The following C1orf105 variants were observed in gnomAD, a reference collection of about 807,000 sequenced individuals.
C1orf105 encodes uncharacterized protein C1orf105.
In C1orf105, 17 loss-of-function variants were observed where a neutral mutation model predicts 20.8. That is an observed-to-expected ratio of 0.82 (90% CI 0.56 to 1.23). The LOEUF is 1.23. C1orf105 is among the 50% of genes most tolerant of loss of function. C1orf105 has a pLI of 0.00. For missense variants in C1orf105, 219 were observed against 213.5 expected (o/e 1.03, Z -0.16); for synonymous variants, 72 against 72.1 (o/e 1.00, Z 0.01).
At chr1:172,452,662 T>G (rs1325835675) in intron 3 of C1orf105, 1 of 488,246 alleles carries the variant, frequency 2.0e-6, no homozygotes, top group Admixed American at 6.4e-5. Flanking sequence ...CAGCAGATAT[T>G]GTCCTAGGGT....
intron 1 of C1orf105, chr1:172,444,268 T>G (rs1158216841): frequency 1.0e-6 from 1 of 985,320 alleles, no homozygotes; most frequent in Non-Finnish European, 1.2e-6. Context: ...AGATGGGATG[T>G]GCCATCTGAA....
intron 6 of C1orf105, chr1:172,465,705 T>C (rs1404943406): frequency 2.1e-6 from 1 of 475,706 alleles, no homozygotes; most frequent in Non-Finnish European, 4.2e-6. Flanking sequence ...TCAATCAAAA[T>C]GGGAAGGGAA....
At chr1:172,459,950 G>T (rs1213902703) in intron 4 of C1orf105, among the ~76,000 whole-genome samples, 2 of 152,122 alleles carry the variant, frequency 1.3e-5, no homozygotes, top group South Asian at 4.1e-4. Context: ...AGATGCAAAA[G>T]ATCACATATT....
intron 6 of C1orf105, chr1:172,465,602 C>G: frequency 1.6e-6 from 1 of 636,788 alleles, no homozygotes; most frequent in South Asian, 1.5e-5. Flanking sequence ...CATGTTCCTT[C>G]CCAGGATCTG....
chr1:172,458,545 T>C (rs1422622262), intron 4 of C1orf105, among the ~76,000 whole-genome samples: 2 of 151,808 alleles, frequency 1.3e-5, no homozygotes, highest in African/African-American at 4.8e-5. Flanking sequence ...GGAAAGAAAA[T>C]TTAAAAGGCC....
At chr1:172,463,779 A>T (rs373143263) in intron 5 of C1orf105, among the ~76,000 whole-genome samples, 2 of 152,214 alleles carry the variant, frequency 1.3e-5, no homozygotes, top group East Asian at 1.9e-4. Flanking sequence ...AATAGCTCTT[A>T]TCCCTTTAAA....
At chr1:172,433,152 G>A (rs2071925278) in intron 1 of C1orf105, among the ~76,000 whole-genome samples, 1 of 152,204 alleles carries the variant, frequency 6.6e-6, no homozygotes. Flanking sequence ...TGGTGTACCT[G>A]AAAGTGATGG....
chr1:172,457,429 G>A (rs1053110951), intron 4 of C1orf105, among the ~76,000 whole-genome samples: 1 of 152,214 alleles, frequency 6.6e-6, no homozygotes. Context: ...CAAGTCTTAG[G>A]TCCAGTCGGA....
intron 5 of C1orf105, 115 bp from the exon 6 acceptor site, chr1:172,465,184 C>CAAT (rs969828717): frequency 7.7e-6 from 3 of 391,004 alleles, no homozygotes; most frequent in Non-Finnish European, 1.2e-5. Context: ...AACTCCATCT[C>CAAT]AATAATAATA....
intron 1 of C1orf105, among the ~76,000 whole-genome samples, chr1:172,435,916 A>G (rs185605392): frequency 4.3e-4 from 66 of 152,360 alleles, no homozygotes; most frequent in East Asian, 1.5e-3. Flanking sequence ...TACAAAATCA[A>G]TGTGCAAAAA....
intron 3 of C1orf105, among the ~76,000 whole-genome samples, chr1:172,450,100 T>C (rs1394409541): frequency 6.6e-6 from 1 of 152,174 alleles, no homozygotes; most frequent in Non-Finnish European, 1.5e-5. Flanking sequence ...AGCCACTAGA[T>C]GACAGTTAAG....
Position 172,437,595 on chromosome 1 carries a change from G to T in C1orf105, c.22-7478G>T, listed in dbSNP as rs1403242322. Reference sequence around the variant, plus strand: ...ACTGGGGCCTGCCGGGGGGTGGGGGGAGGGGGGAGGGATAGCATTAGGATA... The same window carrying T: ...ACTGGGGCCTGCCGGGGGGTGGGGGTAGGGGGGAGGGATAGCATTAGGATA... On this transcript the variant is annotated intron_variant, in intron 1 of 6. Transcript: ENST00000367727. Among the ~76,000 whole-genome samples the T allele has an allele frequency of 1.8e-4, 18 of 98,236 alleles. 1 individual carries two copies. Among genetic ancestry groups the T allele is most frequent in the Non-Finnish European group, 2.5e-4 (13 of 52,128 alleles). 64.4% of individuals were successfully genotyped at this position (98,236 alleles called of 152,430 possible).
rs763628149 is a variant in C1orf105, at chr1:172,448,514, C to T, written c.181C>T (p.Pro61Ser). Residue 61 changes from proline (P) to serine (S), a missense_variant, in exon 3 of 7, where the codon CCA (proline) becomes TCA (serine). Transcript: ENST00000367727. ...GAATTTGCCAATTTTGTTTCAAGTT[C>T]CAGATGTTTTATCTAAGGTACTAAA... ...NMNLPILFQVPDVLSKARRNQ... is the reference protein window; with the variant it reads ...NMNLPILFQVSDVLSKARRNQ... 6.2e-7 allele frequency: 1 copy of T among 1,610,948 alleles called. No individual in the cohort carries two copies. The highest frequency in any genetic ancestry group is 1.1e-5 in the South Asian group (1 of 90,856).
chr1:172,429,241 C>G (rs1291356876), intron 1 of C1orf105, among the ~76,000 whole-genome samples: 1 of 151,916 alleles, frequency 6.6e-6, no homozygotes, highest in Admixed American at 6.6e-5. Flanking sequence ...CACACACACA[C>G]ACACACACAC....
intron 5 of C1orf105, among the ~76,000 whole-genome samples, chr1:172,463,287 C>G (rs1418977739): frequency 1.3e-5 from 2 of 152,084 alleles, no homozygotes; most frequent in African/African-American, 2.4e-5. Flanking sequence ...AATCTAATGC[C>G]CATTTTAATT....
intron 4 of C1orf105, among the ~76,000 whole-genome samples, chr1:172,457,634 A>G (rs935232493): frequency 7.9e-5 from 12 of 152,210 alleles, no homozygotes; most frequent in African/African-American, 2.9e-4. Context: ...TATTCCTGGA[A>G]TCCCTTGTGT....
intron 4 of C1orf105, among the ~76,000 whole-genome samples, chr1:172,459,962 T>C (rs905809909): frequency 1.3e-5 from 2 of 152,140 alleles, no homozygotes; most frequent in Admixed American, 6.5e-5. Context: ...TCACATATTA[T>C]ACTGGTTCCA....
chr1:172,444,025 G>A (rs1024645612), intron 1 of C1orf105: 43 of 999,882 alleles, frequency 4.3e-5, no homozygotes, highest in Non-Finnish European at 5.1e-5. Flanking sequence ...GGGGACGGCG[G>A]CACCCAGCCT....
At chr1:172,444,322 G>C in intron 1 of C1orf105, 1 of 984,696 alleles carries the variant, frequency 1.0e-6, no homozygotes, top group Middle Eastern at 5.2e-4. Context: ...GGCTGGGCCA[G>C]TAGGTGAGAG....
Sources: gnomAD v4.1 joint callset for allele counts (sites outside exome capture counted in the v4.1 genomes callset) on GRCh38, gnomAD v4.1.1 for gene constraint, MANE v1.5 for transcripts, NCBI Gene and HGNC (gene_info 2026-07-23, HGNC 2026-07-21) for gene names.